GRIN3B: variants seen among roughly 807,000 people sequenced by gnomAD.
The protein encoded by GRIN3B is glutamate ionotropic receptor NMDA type subunit 3B, also known as glutamate receptor ionotropic, NMDA 3B.
GRIN3B carries 77 observed loss-of-function variants against 66.0 expected under a neutral mutation model. That is an observed-to-expected ratio of 1.17 (90% confidence interval 0.97 to 1.41). GRIN3B has a LOEUF of 1.41. Ranked by LOEUF, GRIN3B falls within the 40% of genes most tolerant of loss-of-function variation. GRIN3B has a pLI of 0.00. For missense variants in GRIN3B, 1,787 were observed against 1,564.5 expected (o/e 1.14, Z -2.40); for synonymous variants, 823 against 749.7 (o/e 1.10, Z -1.60).
At chr19:1,008,580 T>TAA in intron 6 of GRIN3B, 38 bp from the exon 7 acceptor site, 1 of 1,579,852 alleles carries the variant, frequency 6.3e-7, no homozygotes, top group East Asian at 2.3e-5. Flanking sequence ...GGCCTGCCAT[T>TAA]ACGTGACCGT....
At chr19:1,008,012 G>C in intron 5 of GRIN3B, 41 bp downstream of exon 5, 1 of 1,596,696 alleles carries the variant, frequency 6.3e-7, no homozygotes, top group South Asian at 1.1e-5. Context: ...GGGGTCTCTG[G>C]GGACCTCCTG....
rs1204911289 is a variant in GRIN3B at position 1,004,803 on chromosome 19, CGAA to C, written c.1305_1307del (p.Glu435del). ...CATTTGTGTTTGCCCGTGATCCAGA[CGAA>C]GACGGGCAGTGCCCAGCGGGGCAGC... On this transcript the variant is annotated inframe_deletion, in exon 3 of 9. Transcript: ENST00000234389. 1 of 1,612,842 alleles carries C rather than the reference CGAA, an allele frequency of 6.2e-7. No individual in the cohort carries two copies. Among genetic ancestry groups the C allele is most frequent in the Non-Finnish European group, 8.5e-7 (1 of 1,179,560 alleles).
In GRIN3B at chr19:1,004,740, C is replaced by G; in HGVS notation, c.1239C>G (p.Val413=). 6.2e-7 allele frequency: 1 copy of G among 1,609,318 alleles called. No homozygotes were observed. The highest frequency in any genetic ancestry group is 8.5e-7 in the Non-Finnish European group (1 of 1,177,342). The part of the protein sequence containing the change: ...ARPPPPQGAQ[V]WPKLRVVTLL... ...CCCCGCCCCCACAGGGTGCCCAGGT[C>G]TGGCCCAAGCTGCGTGTGGTAACGC... The change falls in exon 3 of 9, where the codon GTC becomes GTG. Residue 413 remains valine, a synonymous_variant. Transcript: ENST00000234389.
At chr19:1,003,060 G>C in intron 1 of GRIN3B, 70 bp from the exon 2 acceptor site, 8 of 1,133,630 alleles carry the variant, frequency 7.1e-6, no homozygotes, top group Non-Finnish European at 9.6e-6. Flanking sequence ...CGGATCACCC[G>C]CTGCTGGGGT....
Position 1,009,468 on chromosome 19 carries a change from G to T in GRIN3B, c.2998G>T (p.Ala1000Ser). 6.7e-7 allele frequency: 1 copy of T among 1,482,344 alleles called. No homozygotes were observed. Among genetic ancestry groups the T allele is most frequent in the Non-Finnish European group, 8.9e-7 (1 of 1,123,250 alleles). 91.8% of individuals were successfully genotyped at this position (1,482,344 alleles called of 1,614,324 possible). ...AGTCGCGCGTGAGCGGCTCCGCCAG[G>T]CCCTGGTGCGGCGCGGCCAGCTCCT... ...IEVARERLRQ[A>S]LVRRGQLLAQ... The change falls in exon 9 of 9, where the codon GCC becomes TCC. Residue 1000 changes from alanine (A) to serine (S), a missense_variant. By Grantham distance (99) the Ala-to-Ser change is moderately conservative. Coordinates refer to ENST00000234389, the MANE Select transcript of GRIN3B (RefSeq NM_138690.3).
chr19:1,001,347 C>A (rs563244103), intron 1 of GRIN3B, among the ~76,000 whole-genome samples: 41 of 151,936 alleles, frequency 2.7e-4, no homozygotes, highest in African/African-American at 9.0e-4. Context: ...GATCTCCCTC[C>A]TTCCAGCATT....
rs1454571604 is a variant in GRIN3B at position 1,007,332 on chromosome 19, C to T, written c.2053-296C>T. 1.3e-5 allele frequency among the ~76,000 whole-genome samples: 2 copies of T among 151,948 alleles called. No homozygotes were observed. Among genetic ancestry groups the T allele is most frequent in the African/African-American group, 2.4e-5 (1 of 41,338 alleles). On this transcript the variant is annotated intron_variant, in intron 3 of 8. Transcript: ENST00000234389. This position sits in a 1 kb window ranked among gnomAD's most constrained non-coding sequence, Gnocchi z 4.4. Reference sequence around the variant, plus strand: ...GAGGCAGAGGAGGTGGTGGGATAGGCGTCCAGCCCAGGGCGAGGTCCAGGT... The same window carrying T: ...GAGGCAGAGGAGGTGGTGGGATAGGTGTCCAGCCCAGGGCGAGGTCCAGGT...
chr19:1,001,513 A>G (rs879555801), intron 1 of GRIN3B, among the ~76,000 whole-genome samples: 56 of 151,558 alleles, frequency 3.7e-4, no homozygotes, highest in Non-Finnish European at 6.9e-4. Flanking sequence ...GGAAGAAGAG[A>G]AGGGCGATTG....
Position 1,009,486 on chromosome 19 carries a change from C to A in GRIN3B, c.3016C>A (p.Gln1006Lys), listed in dbSNP as rs10401245. Residue 1006 changes from glutamine (Q) to lysine (K), a missense_variant, in exon 9 of 9, where the codon CAG becomes AAG. Physicochemically the swap from Gln to Lys is moderately conservative, Grantham distance 53 (BLOSUM62 1). Coordinates refer to ENST00000234389, the MANE Select transcript of GRIN3B (RefSeq NM_138690.3). ...RLRQALVRRGQLLAQLGDSAR... is the reference protein window; with the variant it reads ...RLRQALVRRGKLLAQLGDSAR... ...CCGCCAGGCCCTGGTGCGGCGCGGC[C>A]AGCTCCTGGCACAGCTCGGGGACAG... The A allele has an allele frequency of 4.0e-6, 6 of 1,488,944 alleles. No individual in the cohort carries two copies. The highest frequency in any genetic ancestry group is 2.5e-5 in the South Asian group (2 of 78,664). The allele number at this position is 1,488,944 out of a possible 1,614,324, so 92.2% of individuals were successfully genotyped here.
chr19:1,005,562 C>T lies in GRIN3B; in HGVS notation c.2052+9C>T, dbSNP rs1568391322. On this transcript the variant is annotated intron_variant, in intron 3 of 8. Transcript: ENST00000234389. This position sits in a 1 kb window ranked among gnomAD's most constrained non-coding sequence, Gnocchi z 5.2. ...GGATCCACGACCCCAAGGTGGGCGG[C>T]CTCGGGGGGCTGCGGGTGGCCTTGG... The T allele has an allele frequency of 1.3e-6, 2 of 1,560,452 alleles. No individual in the cohort carries two copies. The highest frequency in any genetic ancestry group is 2.4e-5 in the South Asian group (2 of 84,322).
rs1298974654 is a variant in GRIN3B, at chr19:1,009,584, AC to A, written c.3116del (p.Pro1039ArgfsTer46). 4.2e-6 allele frequency: 6 copies of A among 1,441,584 alleles called. No individual in the cohort carries two copies. Among genetic ancestry groups the A allele is most frequent in the Non-Finnish European group, 5.4e-6 (6 of 1,102,932 alleles). 89.3% of individuals were successfully genotyped at this position (1,441,584 alleles called of 1,614,324 possible). On this transcript the variant is annotated frameshift_variant, in exon 9 of 9. Coordinates refer to ENST00000234389, the MANE Select transcript of GRIN3B (RefSeq NM_138690.3). LOFTEE classifies it low-confidence loss of function (END_TRUNC). ...PAEAPPHSGR[P>X]GSQE The stretch of plus-strand genomic sequence containing the variant: ...CGGAGGCCCCACCACACTCTGGCCG[AC>A]CGGGGAGCCAGGAATGAGGCGGCAG...
Position 1,000,598 on chromosome 19 carries a change from G to T in GRIN3B, c.161G>T (p.Arg54Leu). The change falls in exon 1 of 9, where the codon CGC (arginine) becomes CTC (leucine). Residue 54 changes from arginine (R) to leucine (L), a missense_variant. Arg to Leu is a moderately radical substitution (Grantham distance 102). Transcript: ENST00000234389. The stretch of plus-strand genomic sequence containing the variant: ...GCGCCTCTCGCCCGCGCCCGCGCCC[G>T]CGCCGCCCTGGCCCGGGCCGCCCTG... ...PRAPLARARA[R>L]AALARAALAP... is the part of the protein sequence containing the mutation. 9.6e-7 allele frequency: 1 copy of T among 1,038,024 alleles called. No homozygotes were observed. 64.3% of individuals were successfully genotyped at this position (1,038,024 alleles called of 1,614,324 possible).
Position 1,000,580 on chromosome 19 carries a change from T to TCGCCCGCGCCCG in GRIN3B, c.154_165dup (p.Arg52_Ala55dup). 3 of 1,027,850 alleles carry TCGCCCGCGCCCG rather than the reference T, an allele frequency of 2.9e-6. No homozygotes were observed. The highest frequency in any genetic ancestry group is 9.1e-5 in the East Asian group (1 of 10,930). 63.7% of individuals were successfully genotyped at this position (1,027,850 alleles called of 1,614,324 possible). On this transcript the variant is annotated inframe_insertion, in exon 1 of 9. Transcript: ENST00000234389. ...GGCGCCCTCCTGCCCCGCGCGCCTCTCGCCCGCGCCCGCGCCCGCGCCGCC... is the reference window on the plus strand; with the variant it reads ...GGCGCCCTCCTGCCCCGCGCGCCTCTCGCCCGCGCCCGCGCCCGCGCCCGCGCCCGCGCCGCC...
rs78914045 is a variant in GRIN3B, at chr19:1,008,646, C to T, written c.2495C>T (p.Ala832Val). 7 of 1,601,920 alleles carry T rather than the reference C, an allele frequency of 4.4e-6. No homozygotes were observed. In the Admixed American group the frequency reaches 1.2e-4, roughly 27 times the overall value. Residue 832 changes from alanine (A) to valine (V), a missense_variant, in exon 7 of 9, where the codon GCG (alanine) becomes GTG (valine). Ala to Val is a moderately conservative substitution (Grantham distance 64). Coordinates refer to ENST00000234389, the MANE Select transcript of GRIN3B (RefSeq NM_138690.3). ...ETLQMSIYHF[A>V]GLFVLLCLGL... ...CTGCAGATGAGCATCTACCACTTCG[C>T]GGGCCTCTTCGTGTTGCTGTGCCTG... is the stretch of plus-strand genomic sequence containing the variant.
At position 1,005,156 on chromosome 19, in the gene GRIN3B, G is replaced by A; in HGVS notation, c.1655G>A (p.Ser552Asn). The change falls in exon 3 of 9, where the codon AGC becomes AAC. Residue 552 changes from serine (S) to asparagine (N), a missense_variant. Transcript: ENST00000234389. The surrounding 1 kb of genome is among the most constrained non-coding windows in gnomAD (Gnocchi z 5.2). ...VDFTSPFFST[S>N]LGIMVRARDT... ...TTCACCAGCCCCTTCTTCTCCACCA[G>A]CCTGGGCATCATGGTGCGGGCACGG... 1 of 1,613,474 alleles carries A rather than the reference G, an allele frequency of 6.2e-7. No homozygotes were observed. The highest frequency in any genetic ancestry group is 1.1e-5 in the South Asian group (1 of 91,082).
In GRIN3B at chr19:1,005,182, G is replaced by C; in HGVS notation, c.1681G>C (p.Asp561His). 1.2e-6 allele frequency: 2 copies of C among 1,613,550 alleles called. No homozygotes were observed. The highest frequency in any genetic ancestry group is 1.7e-6 in the Non-Finnish European group (2 of 1,179,972). ...CCTGGGCATCATGGTGCGGGCACGGGACACGGCCTCACCCATCGGTGCCTT... is the reference window on the plus strand; with the variant it reads ...CCTGGGCATCATGGTGCGGGCACGGCACACGGCCTCACCCATCGGTGCCTT... ...TSLGIMVRAR[D>H]TASPIGAFMW... Residue 561 changes from aspartate to histidine, a missense_variant, in exon 3 of 9, where the codon GAC becomes CAC. Asp to His is a moderately conservative substitution (Grantham distance 81). Coordinates refer to ENST00000234389, the MANE Select transcript of GRIN3B (RefSeq NM_138690.3). The surrounding 1 kb of genome is among the most constrained non-coding windows in gnomAD (Gnocchi z 5.2).
rs748400627 is a variant in GRIN3B, at chr19:1,003,258, C to T, written c.555C>T (p.Gly185=). Residue 185 remains glycine (G), a synonymous_variant, in exon 2 of 9, where the codon GGC becomes GGT. Transcript: ENST00000234389. ...CCCTGTGCCGCACTCAGGACCCCGG[C>T]GGCCTGGTGGCCCTCTGGACAAGCC... ...GLALCRTQDP[G]GLVALWTSRA... is the part of the protein sequence containing the mutation. 52 of 1,572,438 alleles carry T rather than the reference C, an allele frequency of 3.3e-5. No individual in the cohort carries two copies. The highest frequency in any genetic ancestry group is 3.8e-5 in the Non-Finnish European group (44 of 1,161,006).
In GRIN3B at chr19:1,000,723, G is replaced by T; in HGVS notation, c.286G>T (p.Val96Leu). 2 of 1,427,438 alleles carry T rather than the reference G, an allele frequency of 1.4e-6. No homozygotes were observed. Among genetic ancestry groups the T allele is most frequent in the Non-Finnish European group, 1.8e-6 (2 of 1,093,232 alleles). 88.4% of individuals were successfully genotyped at this position (1,427,438 alleles called of 1,614,324 possible). A position where few individuals can be genotyped will look rare whatever the true frequency, so the allele number is the denominator to read the frequency against. Residue 96 changes from valine (V) to leucine (L), a missense_variant, in exon 1 of 9, where the codon GTG becomes TTG. Physicochemically the swap from Val to Leu is conservative, Grantham distance 32 (BLOSUM62 1). Transcript: ENST00000234389. ...GACCCGCGGCCTGTGCCAGGCGCTG[G>T]TGCCTCCGGGCGTGGCGGCCCTGCT... ...SLTRGLCQAL[V>L]PPGVAALLAF...
intron 2 of GRIN3B, 30 bp from the exon 3 acceptor site, chr19:1,004,491 C>T (rs751442310): frequency 3.9e-6 from 6 of 1,551,834 alleles, no homozygotes; most frequent in African/African-American, 1.4e-5. Flanking sequence ...TGAACTTCGA[C>T]ACCTGACACC....
Sources: gnomAD v4.1 joint callset for allele counts (sites outside exome capture counted in the v4.1 genomes callset) on GRCh38, gnomAD v4.1.1 for gene constraint, Gnocchi (gnomAD v3.1) non-coding constraint, MANE v1.5 for transcripts, NCBI Gene and HGNC (gene_info 2026-07-23, HGNC 2026-07-21) for gene names.